Variants in IHO1 observed in about 807,000 individuals in gnomAD.
IHO1 encodes interactor of HORMAD1 protein 1.
In IHO1, 13 loss-of-function variants were observed where a neutral mutation model predicts 31.0. The observed-to-expected ratio is 0.42, with a 90% confidence interval of 0.27 to 0.67. IHO1 has a LOEUF of 0.67. Among genes scored for constraint, IHO1 ranks in the 30% least tolerant of loss-of-function variants. The pLI is 0.24. For missense variants in IHO1, 599 were observed against 687.5 expected, an observed-to-expected ratio of 0.87 and a Z score of 1.44; for synonymous variants, 221 against 248.4, an observed-to-expected ratio of 0.89 and a Z score of 1.04.
chr3:49,233,384 C>T (rs1268800782), intron 2 of IHO1, among the ~76,000 whole-genome samples: 1 of 152,196 alleles, frequency 6.6e-6, no homozygotes, highest in African/African-American at 2.4e-5. Flanking sequence ...GAAGGACACT[C>T]TACAAACTTG....
chr3:49,246,179 CAAAAAAA>C (rs71278650), intron 6 of IHO1, among the ~76,000 whole-genome samples: 12 of 47,794 alleles, frequency 2.5e-4, no homozygotes, highest in South Asian at 7.3e-4. Context: ...GAGACTCCGT[CAAAAAAA>C]AAAAAAAAAA....
At chr3:49,195,850 A>C (rs548089416), upstream of IHO1, among the ~76,000 whole-genome samples, 79 of 148,948 alleles carry the variant, frequency 5.3e-4, no homozygotes, top group South Asian at 0.012. Flanking sequence ...GCCTGTAATC[A>C]CAGCACTTTG....
upstream of IHO1, among the ~76,000 whole-genome samples, chr3:49,194,939 C>T (rs2045988826): frequency 6.6e-6 from 1 of 151,722 alleles, no homozygotes; most frequent in Non-Finnish European, 1.5e-5. Flanking sequence ...CAAAACAATG[C>T]TATGATTTAT....
chr3:49,256,389 C>T lies in IHO1; in HGVS notation c.892C>T (p.Gln298Ter). 1 of 1,614,170 alleles carries T rather than the reference C, an allele frequency of 6.2e-7. No individual in the cohort carries two copies. The highest frequency in any genetic ancestry group is 8.5e-7 in the Non-Finnish European group (1 of 1,180,030). Residue 298 changes from glutamine to a stop codon, truncating the protein, a stop_gained, in exon 8 of 8, where the codon CAG becomes TAG. Coordinates refer to ENST00000452691, the MANE Select transcript of IHO1 (RefSeq NM_001135197.2). LOFTEE classifies it low-confidence loss of function (END_TRUNC). The surrounding 1 kb of genome is among the most constrained non-coding windows in gnomAD (Gnocchi z 4.6). The stretch of plus-strand genomic sequence containing the variant: ...CACCTCTGAGAAACCAGTTTTATGG[C>T]AGGCCCAGGCCCTCCCTGCTGCATG... ...KYTSEKPVLW[Q>*]AQALPAAWNP... is the part of the protein sequence containing the mutation.
intron 2 of IHO1, among the ~76,000 whole-genome samples, chr3:49,212,163 CAAA>C (rs35238412): frequency 1.4e-4 from 7 of 50,136 alleles, no homozygotes; most frequent in Admixed American, 2.2e-4. Flanking sequence ...GACTCCGTCT[CAAA>C]AAAAAAAAAA....
rs774122061 is a variant in IHO1, at chr3:49,256,723, A to C, written c.1226A>C (p.Gln409Pro). The C allele has an allele frequency of 6.2e-7, 1 of 1,614,214 alleles. No homozygotes were observed. Among genetic ancestry groups the C allele is most frequent in the South Asian group, 1.1e-5 (1 of 91,086 alleles). ...NFSTSIKNACQKYQAQSMFLC... is the reference protein window; with the variant it reads ...NFSTSIKNACPKYQAQSMFLC... ...TCAACCAGCATTAAGAATGCCTGCC[A>C]AAAATATCAAGCCCAAAGTATGTTT... Residue 409 changes from glutamine to proline, a missense_variant, in exon 8 of 8, where the codon CAA becomes CCA. By Grantham distance (76) the Gln-to-Pro change is moderately conservative (BLOSUM62 -1). Coordinates refer to ENST00000452691, the MANE Select transcript of IHO1 (RefSeq NM_001135197.2). The surrounding 1 kb of genome is among the most constrained non-coding windows in gnomAD (Gnocchi z 4.6).
At chr3:49,220,185 A>G (rs1165719278) in intron 2 of IHO1, among the ~76,000 whole-genome samples, 1 of 152,206 alleles carries the variant, frequency 6.6e-6, no homozygotes, top group Non-Finnish European at 1.5e-5. Flanking sequence ...ACAGGGAAAT[A>G]TTATAGCTAC....
upstream of IHO1, among the ~76,000 whole-genome samples, chr3:49,197,083 C>T (rs1372332857): frequency 2.0e-5 from 3 of 148,402 alleles, no homozygotes; most frequent in Admixed American, 6.8e-5. Flanking sequence ...CAGGTTCAAA[C>T]GATTCTCCTG....
chr3:49,254,802 G>T (rs571819409), intron 6 of IHO1, among the ~76,000 whole-genome samples: 9 of 152,160 alleles, frequency 5.9e-5, no homozygotes, highest in African/African-American at 2.2e-4. Flanking sequence ...GGTGGCTCAC[G>T]CCTGTAATCC....
intron 1 of IHO1, chr3:49,200,629 G>A (rs1358833194): frequency 2.1e-6 from 2 of 952,868 alleles, no homozygotes; most frequent in Non-Finnish European, 2.5e-6. Context: ...TACCCACCCT[G>A]CCAGGGCCCT....
At chr3:49,249,929 T>G (rs542046327) in intron 6 of IHO1, among the ~76,000 whole-genome samples, 245 of 152,274 alleles carry the variant, frequency 1.6e-3, no homozygotes, top group Admixed American at 3.2e-3. Flanking sequence ...CACAATCTGA[T>G]CTCATCTCAA....
intron 4 of IHO1, 61 bp from the exon 5 acceptor site, chr3:49,244,343 A>G (rs1302867349): frequency 1.0e-6 from 1 of 998,854 alleles, no homozygotes. Flanking sequence ...GGAATCATTT[A>G]TGTTACTTAT....
In IHO1 at chr3:49,256,977, G is replaced by A; in HGVS notation, c.1480G>A (p.Glu494Lys). ...VPQSPFLGQQ[E>K]PRAQPLHLQC... Reference sequence around the variant, plus strand: ...TCAAAGCCCCTTCCTGGGGCAGCAGGAACCCCGTGCTCAGCCTCTGCATCT... The same window carrying A: ...TCAAAGCCCCTTCCTGGGGCAGCAGAAACCCCGTGCTCAGCCTCTGCATCT... The change falls in exon 8 of 8, where the codon GAA becomes AAA. Residue 494 changes from glutamate (E) to lysine (K), a missense_variant. By Grantham distance (56) the Glu-to-Lys change is moderately conservative. Coordinates refer to ENST00000452691, the MANE Select transcript of IHO1 (RefSeq NM_001135197.2). This position sits in a 1 kb window ranked among gnomAD's most constrained non-coding sequence, Gnocchi z 4.6. The A allele has an allele frequency of 3.7e-6, 6 of 1,614,174 alleles. No homozygotes were observed. Among genetic ancestry groups the A allele is most frequent in the Non-Finnish European group, 5.1e-6 (6 of 1,180,032 alleles).
intron 2 of IHO1, among the ~76,000 whole-genome samples, chr3:49,223,134 G>A (rs2046374233): frequency 6.6e-6 from 1 of 152,142 alleles, no homozygotes; most frequent in Non-Finnish European, 1.5e-5. Flanking sequence ...TCAAGTAGGA[G>A]GTCATTTGTG....
rs537299296 is a variant in IHO1, at chr3:49,239,634, G to C, written c.232-1592G>C. On this transcript the variant is annotated intron_variant, in intron 3 of 7. Transcript: ENST00000452691. Reference sequence around the variant, plus strand: ...GGATGGGGTTTAGCCATGTTGCCCAGGCTGGTCTTGAACTCCTGGGCTCAA... The same window carrying C: ...GGATGGGGTTTAGCCATGTTGCCCACGCTGGTCTTGAACTCCTGGGCTCAA... 9.9e-5 allele frequency among the ~76,000 whole-genome samples: 15 copies of C among 151,386 alleles called. No homozygotes were observed. In the South Asian group the frequency reaches 2.9e-3, roughly 29 times the overall value.
intron 2 of IHO1, among the ~76,000 whole-genome samples, chr3:49,212,811 C>T (rs1474813965): frequency 6.6e-6 from 1 of 152,146 alleles, no homozygotes; most frequent in Non-Finnish European, 1.5e-5. Context: ...AAAGATTGAG[C>T]AGGAGCAAGA....
At chr3:49,245,519 TA>T (rs2046684215) in intron 6 of IHO1, 1 of 152,270 alleles carries the variant, frequency 6.6e-6, no homozygotes, top group Non-Finnish European at 1.5e-5. Flanking sequence ...TTGTGGTTTA[TA>T]AAATCCTGTG....
Position 49,241,383 on chromosome 3 carries a change from G to C in IHO1, c.389G>C (p.Cys130Ser). Residue 130 changes from cysteine (C) to serine (S), a missense_variant, in exon 4 of 8, where the codon TGT becomes TCT. By Grantham distance (112) the Cys-to-Ser change is moderately radical. Coordinates refer to ENST00000452691, the MANE Select transcript of IHO1 (RefSeq NM_001135197.2). ...EEKKKRAKDK[C>S]DSETLYNFVS... ...AAAAAGAAAAGGGCAAAAGACAAAT[G>C]TGACAGGTATGTAAACCTTTCAAAT... 1 of 1,609,352 alleles carries C rather than the reference G, an allele frequency of 6.2e-7. No homozygotes were observed. The highest frequency in any genetic ancestry group is 1.1e-5 in the South Asian group (1 of 90,082).
At chr3:49,230,418 G>A (rs549382171) in intron 2 of IHO1, among the ~76,000 whole-genome samples, 1 of 152,260 alleles carries the variant, frequency 6.6e-6, no homozygotes, top group Admixed American at 6.5e-5. Flanking sequence ...GACTGTGAAT[G>A]GTTTGCATTT....
Sources: gnomAD v4.1 joint callset for allele counts (sites outside exome capture counted in the v4.1 genomes callset) on GRCh38, gnomAD v4.1.1 for gene constraint, Gnocchi (gnomAD v3.1) non-coding constraint, MANE v1.5 for transcripts, NCBI Gene and HGNC (gene_info 2026-07-23, HGNC 2026-07-21) for gene names.